Variants in CSMD2 observed in about 807,000 individuals in gnomAD.
CSMD2 encodes CUB and Sushi multiple domains 2, also known as CUB and sushi domain-containing protein 2.
Under a neutral mutation model 398.5 loss-of-function variants are expected in CSMD2, and 130 were observed. That is an observed-to-expected ratio of 0.33 (90% CI 0.28 to 0.38). The LOEUF (loss-of-function observed/expected upper bound fraction) is 0.38. Among genes scored for constraint, CSMD2 ranks in the 10% least tolerant of loss-of-function variants. The pLI is 1.00. For synonymous variants in CSMD2, 1,828 were observed against 1,908.5 expected (o/e 0.96, Z 1.10); for missense variants, 3,829 against 4,764.9 (o/e 0.80, Z 5.78).
chr1:33,613,373 T>C (rs1475089611), intron 40 of CSMD2, among the ~76,000 whole-genome samples: 1 of 152,092 alleles, frequency 6.6e-6, no homozygotes, highest in Non-Finnish European at 1.5e-5. Context: ...AGGTACAGGG[T>C]CTCCCAGATC....
chr1:33,935,013 TA>T (rs537683892), intron 4 of CSMD2, among the ~76,000 whole-genome samples: 6,681 of 42,254 alleles, frequency 0.16, 434 homozygotes, highest in African/African-American at 0.35. Flanking sequence ...CAAATAAAAT[TA>T]AAAAAAAAAA....
intron 5 of CSMD2, among the ~76,000 whole-genome samples, chr1:33,910,912 G>A (rs1643413840): frequency 6.6e-6 from 1 of 152,190 alleles, no homozygotes; most frequent in Non-Finnish European, 1.5e-5. Flanking sequence ...GTTAGCTGGA[G>A]GTGGGTTTCT....
chr1:33,798,364 T>C (rs1450209542), intron 10 of CSMD2, among the ~76,000 whole-genome samples: 1 of 152,198 alleles, frequency 6.6e-6, no homozygotes, highest in Non-Finnish European at 1.5e-5. Context: ...CTGCTTCCCA[T>C]AAGTTATCTT....
chr1:33,575,358 G>C (rs550565113), intron 49 of CSMD2, among the ~76,000 whole-genome samples: 1 of 152,294 alleles, frequency 6.6e-6, no homozygotes, highest in Admixed American at 6.5e-5. Context: ...GAAGTAGGAG[G>C]TGGGTGGAGG....
chr1:33,821,973 G>A (rs1044914781), intron 7 of CSMD2, among the ~76,000 whole-genome samples: 2 of 152,186 alleles, frequency 1.3e-5, no homozygotes, highest in Non-Finnish European at 2.9e-5. Context: ...AGAGTAGGAG[G>A]GAAGGTGAAG....
At chr1:33,622,129 C>A (rs1298852849) in intron 37 of CSMD2, 38 bp downstream of exon 37, 1 of 1,509,914 alleles carries the variant, frequency 6.6e-7, no homozygotes, top group Non-Finnish European at 9.2e-7. Context: ...TTAGGTCCCA[C>A]CCTGAACCCT....
At chr1:34,092,772 C>T (rs373055978) in intron 1 of CSMD2, among the ~76,000 whole-genome samples, 30 of 152,234 alleles carry the variant, frequency 2.0e-4, no homozygotes, top group East Asian at 9.7e-4. Context: ...CACGGAGTCT[C>T]GCTGATTGCT....
chr1:34,129,043 C>T (rs568226000), intron 1 of CSMD2, among the ~76,000 whole-genome samples: 8 of 150,962 alleles, frequency 5.3e-5, no homozygotes, highest in Non-Finnish European at 1.0e-4. Flanking sequence ...TTTGCACACA[C>T]GGTTCTCATG....
At chr1:34,162,836 G>A (rs1459310137) in intron 1 of CSMD2, among the ~76,000 whole-genome samples, 2 of 152,162 alleles carry the variant, frequency 1.3e-5, no homozygotes, top group East Asian at 3.9e-4. Flanking sequence ...TCCAGCCTGG[G>A]CGAGAAGAGC....
At chr1:33,583,594 G>C (rs1449827884) in intron 47 of CSMD2, 48 bp downstream of exon 47, 1 of 1,572,164 alleles carries the variant, frequency 6.4e-7, no homozygotes, top group Non-Finnish European at 8.7e-7. Context: ...TCTGGAGCAA[G>C]TCCATGTCTT....
chr1:34,075,061 T>C (rs1414414383), intron 2 of CSMD2, among the ~76,000 whole-genome samples: 4 of 152,374 alleles, frequency 2.6e-5, no homozygotes, highest in East Asian at 1.9e-4. Context: ...TTAACTGTTG[T>C]GTCTCTGATA....
chr1:33,583,844 A>G lies in CSMD2; in HGVS notation c.7052-14T>C. 1 of 1,609,900 alleles carries G rather than the reference A, an allele frequency of 6.2e-7. No individual in the cohort carries two copies. Among genetic ancestry groups the G allele is most frequent in the Non-Finnish European group, 8.5e-7 (1 of 1,177,342 alleles). ...TTGGACAGTGCACTTGGAGAAAGAA[A>G]GAGAAACACCAAGTACGTGGGGGTG... On this transcript the variant is annotated splice_polypyrimidine_tract_variant and intron_variant, in intron 46 of 70. Transcript: ENST00000373381.
rs767043522 is a variant in CSMD2, at chr1:33,541,309, A to G, written c.9278T>C (p.Val3093Ala). The G allele has an allele frequency of 6.2e-7, 1 of 1,613,464 alleles. No individual in the cohort carries two copies. Among genetic ancestry groups the G allele is most frequent in the East Asian group, 2.2e-5 (1 of 44,870 alleles). ...AATCCCAGGGTCACCACAGTTTATG[A>G]CTAGGATAAGAGAGATATAGCATTG... The part of the protein sequence containing the change: ...TWTGSDPECL[V>A]INCGDPGIPA... The change falls in exon 59 of 71, where the codon GTC becomes GCC. Residue 3093 changes from valine to alanine, a missense_variant and splice_region_variant. By Grantham distance (64) the Val-to-Ala change is moderately conservative (BLOSUM62 0). This residue lies in a region of CSMD2 where 917 missense variants were observed against 1,199.5 expected (regional missense o/e 0.76). Transcript: ENST00000373381.
intron 3 of CSMD2, among the ~76,000 whole-genome samples, chr1:33,955,530 C>T (rs1378456559): frequency 6.6e-6 from 1 of 152,180 alleles, no homozygotes; most frequent in East Asian, 1.9e-4. Flanking sequence ...TGGAGACAGA[C>T]CACGTTTTGA....
intron 15 of CSMD2, among the ~76,000 whole-genome samples, chr1:33,727,037 C>T (rs1646557872): frequency 6.6e-6 from 1 of 152,192 alleles, no homozygotes. Context: ...ACCCAGCCAA[C>T]CTCCTCACAT....
chr1:33,532,956 A>T, intron 64 of CSMD2, 94 bp downstream of exon 64: 1 of 1,129,586 alleles, frequency 8.9e-7, no homozygotes, highest in Non-Finnish European at 1.2e-6. Flanking sequence ...TTGAAACGCA[A>T]TTCCTTCCTT....
chr1:33,749,367 G>A (rs980044313), intron 13 of CSMD2, among the ~76,000 whole-genome samples: 3 of 152,010 alleles, frequency 2.0e-5, no homozygotes, highest in Non-Finnish European at 4.4e-5. Flanking sequence ...CCAAAGTGCT[G>A]GGATTACAGG....
intron 2 of CSMD2, among the ~76,000 whole-genome samples, chr1:34,061,376 C>T (rs1254983082): frequency 1.3e-5 from 2 of 152,128 alleles, no homozygotes; most frequent in African/African-American, 4.8e-5. Flanking sequence ...TGGATTGGCC[C>T]CGTTTCGCAA....
chr1:33,523,820 A>C (rs1262803515), intron 66 of CSMD2, among the ~76,000 whole-genome samples: 1 of 152,164 alleles, frequency 6.6e-6, no homozygotes, highest in Non-Finnish European at 1.5e-5. Context: ...AAATGAGCAA[A>C]TGTCATCCTG....
Sources: allele counts gnomAD v4.1 joint callset (sites outside exome capture counted in the v4.1 genomes callset), GRCh38; gene constraint gnomAD v4.1.1; regional missense constraint gnomAD v4.1.1; transcripts MANE v1.5; gene names NCBI Gene and HGNC (gene_info 2026-07-23, HGNC 2026-07-21).